The following NCAM1 variants were observed in gnomAD, a reference collection of about 807,000 sequenced individuals.
NCAM1 encodes antigen recognized by monoclonal antibody 5.1H11.
NCAM1 carries 14 observed loss-of-function variants against 109.8 expected under a neutral mutation model. The ratio of observed to expected loss-of-function variants is 0.13; its 90% CI spans 0.08 to 0.20. The LOEUF is 0.20. NCAM1 is among the 10% of genes least tolerant of loss of function. NCAM1 has a pLI of 1.00. For synonymous variants in NCAM1, 418 were observed against 442.9 expected, an observed-to-expected ratio of 0.94 and a Z score of 0.70; for missense variants, 774 against 1,109.9, an observed-to-expected ratio of 0.70 and a Z score of 4.30.
At chr11:113,109,278 G>T (rs947445183) in intron 1 of NCAM1, among the ~76,000 whole-genome samples, 14 of 151,242 alleles carry the variant, frequency 9.3e-5, no homozygotes, top group Admixed American at 3.3e-4. Context: ...AACCCGGGAG[G>T]CGGAGGTTGC....
At chr11:113,159,409 T>A (rs1410308981) in intron 1 of NCAM1, among the ~76,000 whole-genome samples, 5 of 152,164 alleles carry the variant, frequency 3.3e-5, no homozygotes, top group African/African-American at 1.2e-4. Flanking sequence ...TATCCAGAAT[T>A]GCAGAAATGT....
At position 113,262,956 on chromosome 11, in the gene NCAM1, A is replaced by G. The variant is rs372502789; in HGVS notation, c.2131+2633A>G. 1,228 of 1,605,658 alleles carry G rather than the reference A, an allele frequency of 7.6e-4. 7 individuals are homozygous for G. The highest frequency in any genetic ancestry group is 1.3e-3 in the South Asian group (120 of 89,354). On this transcript the variant is annotated intron_variant, in intron 17 of 19. Transcript: ENST00000316851. ...TGAACACAAAAATTAAATTTGCTTA[A>G]AAGCCCAGTTCCTATGAAAAAGATC... is the stretch of plus-strand genomic sequence containing the variant.
chr11:112,996,916 G>A (rs1555071513), intron 1 of NCAM1, among the ~76,000 whole-genome samples: 1 of 152,200 alleles, frequency 6.6e-6, no homozygotes, highest in East Asian at 1.9e-4. Context: ...GACATTACTG[G>A]TAAGGGTAAC....
At chr11:113,275,178 T>A in intron 19 of NCAM1, 89 bp from the exon 20 acceptor site, 1 of 1,533,438 alleles carries the variant, frequency 6.5e-7, no homozygotes, top group East Asian at 2.4e-5. Flanking sequence ...GAACCCCTCC[T>A]CCTCCCTGCT....
intron 1 of NCAM1, among the ~76,000 whole-genome samples, chr11:113,189,363 T>A (rs182240373): frequency 1.3e-3 from 193 of 147,256 alleles, no homozygotes; most frequent in African/African-American, 4.5e-3. Flanking sequence ...GGCCAGAGAA[T>A]CACTTGAACC....
chr11:112,974,667 T>C (rs1950961427), intron 1 of NCAM1, among the ~76,000 whole-genome samples: 1 of 152,050 alleles, frequency 6.6e-6, no homozygotes, highest in South Asian at 2.1e-4. Context: ...AGTAGGGTGC[T>C]TCTGCCCTCA....
chr11:113,266,975 CA>C (rs1272169998), intron 17 of NCAM1, among the ~76,000 whole-genome samples: 3 of 152,140 alleles, frequency 2.0e-5, no homozygotes, highest in African/African-American at 7.2e-5. Flanking sequence ...GCGTCCCTGC[CA>C]AGGGGTCTTC....
chr11:113,080,310 G>A (rs1318685720), intron 1 of NCAM1, among the ~76,000 whole-genome samples: 4 of 152,264 alleles, frequency 2.6e-5, no homozygotes, highest in Non-Finnish European at 5.9e-5. Flanking sequence ...TTTCCCCAAA[G>A]TCTGAAATGT....
chr11:113,244,969 T>C (rs1189099574), intron 14 of NCAM1, among the ~76,000 whole-genome samples: 4 of 152,202 alleles, frequency 2.6e-5, no homozygotes, highest in Non-Finnish European at 5.9e-5. Context: ...TCAGCCTCAA[T>C]TGGCAATGGC....
intron 1 of NCAM1, among the ~76,000 whole-genome samples, chr11:113,128,021 G>T (rs1370753873): frequency 6.6e-6 from 1 of 152,210 alleles, no homozygotes; most frequent in African/African-American, 2.4e-5. Flanking sequence ...TCACCAGACT[G>T]CTGGGGCCGA....
At position 113,170,656 on chromosome 11, in the gene NCAM1, T is replaced by A. The variant is rs75264054; in HGVS notation, c.53-31723T>A. Among the ~76,000 whole-genome samples the A allele has an allele frequency of 2.4e-3, 365 of 152,258 alleles. 9 individuals carry two copies. The East Asian group carries it at 0.04, about 17-fold the overall frequency. On this transcript the variant is annotated intron_variant, in intron 1 of 19. Transcript: ENST00000316851. ...TGTCTTGCTTTGTTTTTTCTTTTCA[T>A]CTCGGGGCTGCTTGTTTAGGTTTCA...
In NCAM1 at chr11:113,274,985, G is replaced by C. The variant is rs1032540214; in HGVS notation, c.2457-282G>C. Among the ~76,000 whole-genome samples, 1 of 152,240 alleles carries C rather than the reference G, an allele frequency of 6.6e-6. No individual in the cohort carries two copies. Among genetic ancestry groups the C allele is most frequent in the Non-Finnish European group, 1.5e-5 (1 of 68,044 alleles). ...TTAGGGCTGGAAGAGGAAAGGACTC[G>C]TTCTTCTGACTCAGTGCTTCTCAAC... On this transcript the variant is annotated intron_variant, in intron 19 of 19. Coordinates refer to ENST00000316851, the MANE Select transcript of NCAM1 (RefSeq NM_181351.5). This position sits in a 1 kb window ranked among gnomAD's most constrained non-coding sequence, Gnocchi z 4.1.
chr11:113,093,794 A>G (rs782166043), intron 1 of NCAM1, among the ~76,000 whole-genome samples: 1 of 152,210 alleles, frequency 6.6e-6, no homozygotes, highest in Non-Finnish European at 1.5e-5. Flanking sequence ...GCAAATAACA[A>G]TAGTCAAGGT....
chr11:113,176,944 C>T (rs1555107139), intron 1 of NCAM1, among the ~76,000 whole-genome samples: 1 of 152,174 alleles, frequency 6.6e-6, no homozygotes, highest in African/African-American at 2.4e-5. Flanking sequence ...TGCAGAAGGG[C>T]ATATGAGAGT....
At chr11:113,139,975 T>G (rs1306228429) in intron 1 of NCAM1, among the ~76,000 whole-genome samples, 1 of 152,216 alleles carries the variant, frequency 6.6e-6, no homozygotes, top group African/African-American at 2.4e-5. Context: ...AGAAATTCCC[T>G]GGAGATCAAA....
chr11:113,254,889 G>A (rs1945795493), intron 15 of NCAM1, among the ~76,000 whole-genome samples: 1 of 152,154 alleles, frequency 6.6e-6, no homozygotes, highest in Non-Finnish European at 1.5e-5. Flanking sequence ...TTGTATATGA[G>A]ACGTCCTCTC....
At chr11:113,030,799 A>G (rs1282366024) in intron 1 of NCAM1, among the ~76,000 whole-genome samples, 2 of 152,234 alleles carry the variant, frequency 1.3e-5, no homozygotes, top group African/African-American at 2.4e-5. Context: ...GATTTGTAGT[A>G]GGATATGAGA....
chr11:113,226,441 G>T (rs1591436592), intron 9 of NCAM1, among the ~76,000 whole-genome samples: 1 of 152,312 alleles, frequency 6.6e-6, no homozygotes, highest in African/African-American at 2.4e-5. Context: ...GAAGTCCTTA[G>T]AGGCCTACGA....
In NCAM1 at chr11:113,165,233, A is replaced by G. The variant is rs117136166; in HGVS notation, c.53-37146A>G. ...AAGGTAGAAAGTGACTTAGAAAGTC[A>G]CTTAGAAAGAAAAGGAAATTTAAGT... On this transcript the variant is annotated intron_variant, in intron 1 of 19. Transcript: ENST00000316851. Among the ~76,000 whole-genome samples the G allele has an allele frequency of 4.3e-3, 662 of 152,308 alleles. 1 individual carries two copies. The highest frequency in any genetic ancestry group is 6.9e-3 in the Non-Finnish European group (471 of 68,018).
Sources: gnomAD v4.1 joint callset for allele counts (sites outside exome capture counted in the v4.1 genomes callset) on GRCh38, gnomAD v4.1.1 for gene constraint, Gnocchi (gnomAD v3.1) non-coding constraint, MANE v1.5 for transcripts, NCBI Gene and HGNC (gene_info 2026-07-23, HGNC 2026-07-21) for gene names.